The following FOXK2 variants were observed in gnomAD, a reference collection of about 807,000 sequenced individuals.
The protein encoded by FOXK2 is forkhead box K2.
Under a neutral mutation model 53.3 loss-of-function variants are expected in FOXK2, and 24 were observed. The ratio of observed to expected loss-of-function variants is 0.45; its 90% CI spans 0.33 to 0.63. FOXK2 has a LOEUF of 0.63. FOXK2 is among the 30% of genes least tolerant of loss of function. The probability of loss-of-function intolerance (pLI) is 0.03; values close to 1 mark genes in which losing one functional copy is unlikely to be tolerated. For synonymous variants in FOXK2, 505 were observed against 407.1 expected, an observed-to-expected ratio of 1.24 and a Z score of -2.89; for missense variants, 952 against 910.5, an observed-to-expected ratio of 1.05 and a Z score of -0.59.
chr17:82,560,289 T>G (rs2044778991), intron 1 of FOXK2, among the ~76,000 whole-genome samples: 1 of 152,176 alleles, frequency 6.6e-6, no homozygotes, highest in African/African-American at 2.4e-5. Flanking sequence ...ATTACAGGCA[T>G]GAACCACTGC....
intron 4 of FOXK2, among the ~76,000 whole-genome samples, chr17:82,573,927 G>T (rs1248940291): frequency 6.6e-6 from 1 of 151,018 alleles, no homozygotes; most frequent in Non-Finnish European, 1.5e-5. Flanking sequence ...CCTCAGTTTT[G>T]GGGGGGCCCA....
intron 4 of FOXK2, among the ~76,000 whole-genome samples, chr17:82,576,351 G>A (rs530967517): frequency 2.0e-5 from 3 of 152,328 alleles, no homozygotes; most frequent in East Asian, 3.9e-4. Context: ...CTCCAGAGGC[G>A]TCTGACTCAG....
At chr17:82,598,295 A>G (rs746373621) in intron 8 of FOXK2, among the ~76,000 whole-genome samples, 26 of 151,970 alleles carry the variant, frequency 1.7e-4, no homozygotes, top group Non-Finnish European at 2.6e-4. Context: ...GGGTCTTGCT[A>G]TGTTGTCCAG....
At chr17:82,591,578 G>C (rs992015557) in intron 8 of FOXK2, among the ~76,000 whole-genome samples, 1 of 152,162 alleles carries the variant, frequency 6.6e-6, no homozygotes, top group East Asian at 1.9e-4. Flanking sequence ...GTGTGGGGAG[G>C]GCTTGAGGCC....
chr17:82,586,485 AGGTC>A (rs2045165483), intron 7 of FOXK2, among the ~76,000 whole-genome samples: 1 of 39,126 alleles, frequency 2.6e-5, no homozygotes, highest in Non-Finnish European at 4.7e-5. Flanking sequence ...GACCACAGGG[AGGTC>A]AAAGGTGGGC....
intron 8 of FOXK2, among the ~76,000 whole-genome samples, chr17:82,596,792 G>A (rs532572955): frequency 2.6e-5 from 4 of 152,284 alleles, no homozygotes; most frequent in South Asian, 4.1e-4. Flanking sequence ...GATCTCTGCC[G>A]ATCTCCTTGA....
At chr17:82,556,072 AGT>A (rs2044721689) in intron 1 of FOXK2, among the ~76,000 whole-genome samples, 1 of 152,102 alleles carries the variant, frequency 6.6e-6, no homozygotes, top group Admixed American at 6.5e-5. Flanking sequence ...TATACAGAAA[AGT>A]GTGTGTATCG....
At chr17:82,573,554 T>TCA (rs2044944869) in intron 4 of FOXK2, among the ~76,000 whole-genome samples, 3 of 108,426 alleles carry the variant, frequency 2.8e-5, no homozygotes, top group African/African-American at 1.1e-4. Flanking sequence ...TCTCTCTCTC[T>TCA]CTCTCTCTCA....
At chr17:82,569,973 A>G (rs1287809799) in intron 3 of FOXK2, among the ~76,000 whole-genome samples, 2 of 152,022 alleles carry the variant, frequency 1.3e-5, no homozygotes, top group Non-Finnish European at 2.9e-5. Flanking sequence ...TGTAATCCCC[A>G]GCACTTTGGG....
chr17:82,549,082 A>G (rs1009131074), intron 1 of FOXK2, among the ~76,000 whole-genome samples: 5 of 152,296 alleles, frequency 3.3e-5, no homozygotes, highest in Non-Finnish European at 5.9e-5. Flanking sequence ...TTAGTCTAAA[A>G]CACATCCCGA....
At chr17:82,591,224 T>C (rs550865218) in intron 8 of FOXK2, among the ~76,000 whole-genome samples, 2 of 152,262 alleles carry the variant, frequency 1.3e-5, no homozygotes, top group Admixed American at 6.5e-5. Context: ...AAGGTGACTC[T>C]GGGGTTGTCG....
intron 4 of FOXK2, among the ~76,000 whole-genome samples, chr17:82,573,445 A>C (rs1054898780): frequency 1.3e-5 from 2 of 151,986 alleles, no homozygotes; most frequent in Non-Finnish European, 2.9e-5. Context: ...GTTACATGTC[A>C]GGGTCTCTTA....
At chr17:82,587,027 G>A (rs201778636) in intron 7 of FOXK2, 36 bp from the exon 8 acceptor site, 2 of 1,591,144 alleles carry the variant, frequency 1.3e-6, no homozygotes, top group Admixed American at 1.7e-5. Context: ...TTGCTTTCCA[G>A]TAATATTAAT....
chr17:82,532,508 C>T (rs1441387454), intron 1 of FOXK2, among the ~76,000 whole-genome samples: 1 of 149,758 alleles, frequency 6.7e-6, no homozygotes, highest in Non-Finnish European at 1.5e-5. Flanking sequence ...ATTTATTAGT[C>T]TTAACATACT....
At chr17:82,601,233 G>A (rs1598244935) in intron 8 of FOXK2, 70 bp from the exon 9 acceptor site, 2 of 1,506,550 alleles carry the variant, frequency 1.3e-6, no homozygotes, top group East Asian at 4.6e-5. Context: ...GTTCACGTGA[G>A]AGCGTGGGGT....
chr17:82,576,769 T>C, intron 4 of FOXK2: 1 of 650,944 alleles, frequency 1.5e-6, no homozygotes, highest in Non-Finnish European at 2.7e-6. Flanking sequence ...CACCAGCTGC[T>C]TCATTTTTAT....
intron 2 of FOXK2, among the ~76,000 whole-genome samples, chr17:82,565,905 G>T (rs1049378145): frequency 3.9e-5 from 6 of 152,176 alleles, no homozygotes; most frequent in Admixed American, 3.9e-4. Flanking sequence ...AGATACAATG[G>T]AATATTATTC....
intron 2 of FOXK2, among the ~76,000 whole-genome samples, 197 bp downstream of exon 2, chr17:82,563,745 C>G (rs978745545): frequency 1.6e-4 from 23 of 141,760 alleles, no homozygotes; most frequent in African/African-American, 6.3e-4. Context: ...TTTATTTACT[C>G]ATTCCCTTTT....
At chr17:82,546,304 A>T (rs1239767281) in intron 1 of FOXK2, among the ~76,000 whole-genome samples, 1 of 151,450 alleles carries the variant, frequency 6.6e-6, no homozygotes, top group Non-Finnish European at 1.5e-5. Flanking sequence ...TTTGGTAGAG[A>T]CGGGATTTCG....
Sources: gnomAD v4.1 joint callset for allele counts (sites outside exome capture counted in the v4.1 genomes callset) on GRCh38, gnomAD v4.1.1 for gene constraint, MANE v1.5 for transcripts, NCBI Gene and HGNC (gene_info 2026-07-23, HGNC 2026-07-21) for gene names.